Variants in MPPED2 observed in about 807,000 individuals in gnomAD.
The protein encoded by MPPED2 is metallophosphoesterase domain containing 2.
Under a neutral mutation model 33.0 loss-of-function variants are expected in MPPED2, and 5 were observed. The ratio of observed to expected loss-of-function variants is 0.15; its 90% CI spans 0.08 to 0.32. The LOEUF is 0.32. Among genes scored for constraint, MPPED2 ranks in the 10% least tolerant of loss-of-function variants. The pLI is 1.00. For synonymous variants in MPPED2, 136 were observed against 141.9 expected (o/e 0.96, Z 0.29); for missense variants, 275 against 372.1 (o/e 0.74, Z 2.15).
chr11:30,481,428 G>A (rs1951481398), intron 4 of MPPED2, among the ~76,000 whole-genome samples: 1 of 152,120 alleles, frequency 6.6e-6, no homozygotes, highest in Non-Finnish European at 1.5e-5. Context: ...CCCGTTTAAA[G>A]CAAACCGAGC....
At chr11:30,456,605 T>G (rs1388449898) in intron 4 of MPPED2, among the ~76,000 whole-genome samples, 1 of 152,156 alleles carries the variant, frequency 6.6e-6, no homozygotes, top group Admixed American at 6.6e-5. Flanking sequence ...GAGGAATCCA[T>G]GTACTTGATG....
At position 30,435,731 on chromosome 11, in the gene MPPED2, G is replaced by A. The variant is rs11031085; in HGVS notation, c.537-18098C>T. Among the ~76,000 whole-genome samples, 887 of 152,242 alleles carry A rather than the reference G, an allele frequency of 5.8e-3. 8 individuals carry two copies. The highest frequency in any genetic ancestry group is 0.02 in the African/African-American group (847 of 41,536). ...CAGGAACTGTGGACTGGAATTTCCA[G>A]CTCTGCCTCTACCAACCACTGTCAA... On this transcript the variant is annotated intron_variant, in intron 4 of 6. Coordinates refer to ENST00000358117, the MANE Select transcript of MPPED2 (RefSeq NM_001584.3).
intron 4 of MPPED2, among the ~76,000 whole-genome samples, chr11:30,467,871 G>A (rs1484206190): frequency 6.6e-6 from 1 of 152,160 alleles, no homozygotes; most frequent in East Asian, 1.9e-4. Context: ...GGGGGTAGGA[G>A]GGGGCTGGTT....
intron 2 of MPPED2, among the ~76,000 whole-genome samples, chr11:30,542,459 C>CAAAAAAAAAAAAA (rs59474313): frequency 5.1e-5 from 4 of 77,786 alleles, no homozygotes; most frequent in African/African-American, 1.1e-4. Flanking sequence ...ACCAAAAGTA[C>CAAAAAAAAAAAAA]AAAAAAAAAA....
intron 5 of MPPED2, 98 bp from the exon 6 acceptor site, chr11:30,414,439 A>C: frequency 1.3e-6 from 1 of 762,600 alleles, no homozygotes; most frequent in South Asian, 1.5e-5. Context: ...GGTTTATTAC[A>C]TTATCTGTAA....
chr11:30,514,610 T>G (rs973677440), intron 3 of MPPED2, among the ~76,000 whole-genome samples: 26 of 152,234 alleles, frequency 1.7e-4, no homozygotes, highest in African/African-American at 5.5e-4. Context: ...TGTTCATAAA[T>G]TCAAAAAATA....
intron 2 of MPPED2, among the ~76,000 whole-genome samples, chr11:30,537,343 T>C (rs1954863565): frequency 6.6e-6 from 1 of 152,164 alleles, no homozygotes. Context: ...GATTAGAGTG[T>C]GAAACATTAA....
chr11:30,398,462 A>C (rs913726392), intron 6 of MPPED2, among the ~76,000 whole-genome samples: 1 of 152,070 alleles, frequency 6.6e-6, no homozygotes, highest in Non-Finnish European at 1.5e-5. Context: ...AAGAAAGCTG[A>C]TCAGATGATT....
intron 4 of MPPED2, among the ~76,000 whole-genome samples, chr11:30,449,565 C>T (rs1949961192): frequency 6.8e-6 from 1 of 147,732 alleles, no homozygotes; most frequent in African/African-American, 2.7e-5. Flanking sequence ...ACTACCTGAG[C>T]CCGGGAAGTA....
chr11:30,578,935 C>A (rs1214106406), intron 2 of MPPED2, among the ~76,000 whole-genome samples: 1 of 151,596 alleles, frequency 6.6e-6, no homozygotes, highest in Non-Finnish European at 1.5e-5. Flanking sequence ...AATATATTCT[C>A]ATTTAAAGAA....
intron 3 of MPPED2, among the ~76,000 whole-genome samples, chr11:30,502,990 TTTCCCAGGAA>T (rs1952638313): frequency 6.6e-6 from 1 of 152,178 alleles, no homozygotes; most frequent in Non-Finnish European, 1.5e-5. Flanking sequence ...AACATTTACT[TTTCCCAGGAA>T]TCTGCCTGTG....
chr11:30,554,847 C>A (rs941258767), intron 2 of MPPED2, among the ~76,000 whole-genome samples: 38 of 152,126 alleles, frequency 2.5e-4, no homozygotes, highest in African/African-American at 8.7e-4. Flanking sequence ...TGTCCTTAGG[C>A]CTGACGTCAC....
chr11:30,441,954 C>T (rs1949591208), intron 4 of MPPED2, among the ~76,000 whole-genome samples: 1 of 152,168 alleles, frequency 6.6e-6, no homozygotes. Flanking sequence ...ACCACTGTAT[C>T]CTTACAGCCT....
At chr11:30,510,735 A>G (rs2134302937) in intron 3 of MPPED2, among the ~76,000 whole-genome samples, 1 of 152,320 alleles carries the variant, frequency 6.6e-6, no homozygotes, top group South Asian at 2.1e-4. Flanking sequence ...AAATTGAATT[A>G]CTTTGGAGCG....
chr11:30,484,466 T>C (rs981322527), intron 4 of MPPED2, among the ~76,000 whole-genome samples: 7 of 152,184 alleles, frequency 4.6e-5, no homozygotes, highest in Non-Finnish European at 8.8e-5. Context: ...TAGCTCACCT[T>C]TGCAGCTCTT....
intron 4 of MPPED2, among the ~76,000 whole-genome samples, chr11:30,451,493 C>T (rs1030997075): frequency 1.3e-5 from 2 of 152,150 alleles, no homozygotes; most frequent in Admixed American, 1.3e-4. Flanking sequence ...CCAGTGTCCT[C>T]TTATTTATCA....
intron 4 of MPPED2, among the ~76,000 whole-genome samples, chr11:30,445,774 T>C (rs750379051): frequency 6.6e-6 from 1 of 152,258 alleles, no homozygotes; most frequent in Non-Finnish European, 1.5e-5. Flanking sequence ...TGTAGTAGTA[T>C]GTGTTAGGAT....
downstream of MPPED2, among the ~76,000 whole-genome samples, chr11:30,407,018 T>C (rs1948000574): frequency 6.6e-6 from 1 of 152,212 alleles, no homozygotes; most frequent in African/African-American, 2.4e-5. Context: ...TGGGGCATTA[T>C]TCTGAGACAC....
chr11:30,496,724 A>T (rs1404571477), intron 3 of MPPED2, among the ~76,000 whole-genome samples: 1 of 137,034 alleles, frequency 7.3e-6, no homozygotes. Flanking sequence ...GGGTGGGGGG[A>T]GGTGAGGGGA....
Sources: gnomAD v4.1 joint callset for allele counts (sites outside exome capture counted in the v4.1 genomes callset) on GRCh38, gnomAD v4.1.1 for gene constraint, MANE v1.5 for transcripts, NCBI Gene and HGNC (gene_info 2026-07-23, HGNC 2026-07-21) for gene names.